Variants in SLC35E4 observed in about 807,000 individuals in gnomAD.
The protein encoded by SLC35E4 is solute carrier family 35, member E4.
A neutral mutation model predicts 19.3 loss-of-function variants in SLC35E4; 15 were observed. The observed-to-expected ratio is 0.78, with a 90% CI of 0.52 to 1.20. SLC35E4 has a LOEUF of 1.20. Ranked by LOEUF, SLC35E4 falls within the 50% of genes most tolerant of loss-of-function variation. The probability of loss-of-function intolerance (pLI) is 0.00; values close to 1 mark genes in which losing one functional copy is unlikely to be tolerated. For missense variants in SLC35E4, 406 were observed against 472.3 expected, an observed-to-expected ratio of 0.86 and a Z score of 1.30; for synonymous variants, 219 against 219.9, an observed-to-expected ratio of 1.00 and a Z score of 0.04.
downstream of SLC35E4, among the ~76,000 whole-genome samples, chr22:30,648,612 G>A (rs954315657): frequency 1.3e-5 from 2 of 152,156 alleles, no homozygotes; most frequent in African/African-American, 4.8e-5. Flanking sequence ...AAATTAGCCA[G>A]GCCTGCTGGC....
chr22:30,640,157 G>C (rs963577681), intron 1 of SLC35E4, among the ~76,000 whole-genome samples: 1 of 152,074 alleles, frequency 6.6e-6, no homozygotes, highest in African/African-American at 2.4e-5. Flanking sequence ...GGAGGATCAC[G>C]AGGTCAGGAG....
chr22:30,660,268 G>A (rs973059646), intron 2 of SLC35E4, among the ~76,000 whole-genome samples: 4 of 152,070 alleles, frequency 2.6e-5, no homozygotes, highest in Admixed American at 6.6e-5. Flanking sequence ...AGCACCAAGA[G>A]TAAACTAATA....
In SLC35E4 at chr22:30,636,993, G is replaced by A. The variant is rs753152664; in HGVS notation, c.543G>A (p.Glu181=). The A allele has an allele frequency of 7.5e-6, 12 of 1,610,378 alleles. No homozygotes were observed. The highest frequency in any genetic ancestry group is 1.3e-5 in the African/African-American group (1 of 74,884). Residue 181 remains glutamate, a synonymous_variant, in exon 1 of 2, where the codon GAG becomes GAA. Transcript: ENST00000343605. ...GGGCCGCCTGCAGCCTGGCTGGAGA[G>A]TTCCGGACACCCCCTACCGGCTGTG... is the stretch of plus-strand genomic sequence containing the variant. ...CLGAACSLAG[E]FRTPPTGCGF...
chr22:30,664,103 T>G (rs1240705434), downstream of SLC35E4: 78 of 1,111,304 alleles, frequency 7.0e-5, no homozygotes, highest in Non-Finnish European at 8.9e-5. Context: ...AGAGGATGTT[T>G]AGAGGGCAGG....
chr22:30,667,564 C>T (rs568686024), downstream of SLC35E4: 1 of 152,468 alleles, frequency 6.6e-6, no homozygotes, highest in African/African-American at 2.4e-5. Flanking sequence ...ATCCCGCAGC[C>T]TCAATCCCCG....
downstream of SLC35E4, among the ~76,000 whole-genome samples, chr22:30,648,369 A>G (rs912646323): frequency 6.6e-6 from 1 of 152,104 alleles, no homozygotes; most frequent in Non-Finnish European, 1.5e-5. Context: ...CCCTCCGTCC[A>G]GTCCCCGCTT....
chr22:30,663,331 G>T, downstream of SLC35E4: 1 of 1,192,068 alleles, frequency 8.4e-7, no homozygotes. Context: ...GGCATCATCT[G>T]TTTTTTTCTG....
chr22:30,667,471 T>G (rs1350726731), downstream of SLC35E4: 2 of 152,188 alleles, frequency 1.3e-5, no homozygotes, highest in Non-Finnish European at 2.9e-5. Context: ...CCTCTCTCCT[T>G]CAGGCGGGTG....
At position 30,646,642 on chromosome 22, in the gene SLC35E4, T is replaced by TACGCCACCTCGCTGCCCAGCTTC. The variant is rs746205208; in HGVS notation, c.665_687dup (p.Cys230ThrfsTer167). ...GAGGCTGGACGCGGTGACCCTGCTT[T>TACGCCACCTCGCTGCCCAGCTTC]ACGCCACCTCGCTGCCCAGCTTCTG... On this transcript the variant is annotated frameshift_variant, in exon 2 of 2. Coordinates refer to ENST00000343605, the MANE Select transcript of SLC35E4 (RefSeq NM_001001479.4). LOFTEE classifies it high-confidence loss of function. 1 of 1,611,694 alleles carries TACGCCACCTCGCTGCCCAGCTTC rather than the reference T, an allele frequency of 6.2e-7. No homozygotes were observed.
Position 30,636,222 on chromosome 22 carries a change from C to T in SLC35E4, c.-229C>T. On this transcript the variant is annotated 5_prime_UTR_variant, in exon 1 of 2. Transcript: ENST00000343605. ...CACGCTTGAGCATCGGAGACCCTGG[C>T]ATCCTAGCAGCCGCGACCTTGGCTC... 1 of 557,350 alleles carries T rather than the reference C, an allele frequency of 1.8e-6. No homozygotes were observed. Among genetic ancestry groups the T allele is most frequent in the Non-Finnish European group, 3.0e-6 (1 of 335,796 alleles). 34.5% of individuals were successfully genotyped at this position (557,350 alleles called of 1,614,324 possible). A position where few individuals can be genotyped will look rare whatever the true frequency, so the allele number is the denominator to read the frequency against.
At chr22:30,655,429 C>CA (rs5844917) in intron 2 of SLC35E4, among the ~76,000 whole-genome samples, 217 of 111,614 alleles carry the variant, frequency 1.9e-3, no homozygotes, top group African/African-American at 6.3e-3. Flanking sequence ...GAGATCCTAC[C>CA]AAAAAAAAAA....
chr22:30,666,641 A>AAAAAAG (rs2088681080), downstream of SLC35E4, among the ~76,000 whole-genome samples: 1 of 150,834 alleles, frequency 6.6e-6, no homozygotes, highest in African/African-American at 2.4e-5. Flanking sequence ...AAAAAAAAAA[A>AAAAAAG]AAAAAGCAAT....
At chr22:30,637,174 A>G in intron 1 of SLC35E4, 105 bp downstream of exon 1, 1 of 1,463,322 alleles carries the variant, frequency 6.8e-7, no homozygotes, top group East Asian at 2.3e-5. Flanking sequence ...CAAATGAGGA[A>G]ACTGAGGTTC....
At position 30,658,979 on chromosome 22, in the gene SLC35E4, C is replaced by CTAGG. The variant is rs763114961; in HGVS notation, c.*9-3080_*9-3077dup. Among the ~76,000 whole-genome samples, 6 of 152,098 alleles carry CTAGG rather than the reference C, an allele frequency of 3.9e-5. 1 individual carries two copies. The South Asian group carries it at 8.3e-4, about 21-fold the overall frequency. Reference sequence around the variant, plus strand: ...CTAACATGGCGAAACCGCATCTCTACTAGGCATGGTGGCGGGTCCCTGTAG... The same window carrying CTAGG: ...CTAACATGGCGAAACCGCATCTCTACTAGGTAGGCATGGTGGCGGGTCCCTGTAG... On this transcript the variant is annotated intron_variant, in intron 2 of 2. Transcript: ENST00000406566.
chr22:30,642,119 C>T (rs2088051657), intron 1 of SLC35E4, among the ~76,000 whole-genome samples: 1 of 152,046 alleles, frequency 6.6e-6, no homozygotes, highest in Non-Finnish European at 1.5e-5. Context: ...TCGGGCAATC[C>T]TCCCACCTCA....
chr22:30,666,331 T>A (rs2088661297), downstream of SLC35E4, among the ~76,000 whole-genome samples: 1 of 152,012 alleles, frequency 6.6e-6, no homozygotes, highest in African/African-American at 2.4e-5. Flanking sequence ...TTAAGAAATA[T>A]CTATCAGGGC....
At chr22:30,667,451 C>CA (rs1167299992), downstream of SLC35E4, 1 of 152,222 alleles carries the variant, frequency 6.6e-6, no homozygotes, top group South Asian at 2.1e-4. Context: ...TCAGGACCCC[C>CA]AGGGTTTTAC....
exon 3 of SLC35E4, chr22:30,662,498 G>A (rs2088507010): frequency 6.6e-6 from 1 of 152,142 alleles, no homozygotes; most frequent in Non-Finnish European, 1.5e-5. Flanking sequence ...AGAGCTCTTT[G>A]AAACTTTGCC....
At chr22:30,662,812 G>C (rs1454141142) in exon 3 of SLC35E4, 1 of 152,652 alleles carries the variant, frequency 6.6e-6, no homozygotes, top group Non-Finnish European at 1.5e-5. Context: ...ATGGGTGACA[G>C]AGCAGGACAG....
Sources: gnomAD v4.1 joint callset for allele counts (sites outside exome capture counted in the v4.1 genomes callset) on GRCh38, gnomAD v4.1.1 for gene constraint, MANE v1.5 for transcripts, NCBI Gene and HGNC (gene_info 2026-07-23, HGNC 2026-07-21) for gene names.